Variants in SLC25A21 observed in about 807,000 individuals in gnomAD.
SLC25A21 encodes mitochondrial 2-oxodicarboxylate carrier.
A neutral mutation model predicts 43.8 loss-of-function variants in SLC25A21; 47 were observed. The ratio of observed to expected loss-of-function variants is 1.07; its 90% CI spans 0.85 to 1.37. The LOEUF is 1.37. Among genes scored for constraint, SLC25A21 ranks in the 40% most tolerant of loss-of-function variants. The pLI is 0.00. For missense variants in SLC25A21, 352 were observed against 350.2 expected (o/e 1.00, Z -0.04); for synonymous variants, 131 against 121.3 (o/e 1.08, Z -0.52).
intron 1 of SLC25A21, among the ~76,000 whole-genome samples, chr14:36,909,047 T>C (rs187302472): frequency 1.0e-3 from 159 of 151,446 alleles, no homozygotes; most frequent in Admixed American, 3.2e-3. Context: ...GCAGGGAAAA[T>C]AGAGGGACTT....
chr14:36,949,869 G>GT lies in SLC25A21; in HGVS notation c.71-74866dup, dbSNP rs1386623215. Among the ~76,000 whole-genome samples the GT allele has an allele frequency of 1.6e-4, 25 of 152,290 alleles. No individual in the cohort carries two copies. The East Asian group carries it at 4.2e-3, about 26-fold the overall frequency. On this transcript the variant is annotated intron_variant, in intron 1 of 9. Coordinates refer to ENST00000331299, the MANE Select transcript of SLC25A21 (RefSeq NM_030631.4). ...AAAGCAGGCAAATAGACAACAATGGGTTTCTTCAAAAAGGTGGGGGAAGGG... is the reference window on the plus strand; with the variant it reads ...AAAGCAGGCAAATAGACAACAATGGGTTTTCTTCAAAAAGGTGGGGGAAGGG...
At chr14:37,037,860 A>C (rs1961362364) in intron 1 of SLC25A21, among the ~76,000 whole-genome samples, 1 of 152,174 alleles carries the variant, frequency 6.6e-6, no homozygotes, top group Non-Finnish European at 1.5e-5. Flanking sequence ...CTCAACCAGA[A>C]TCACTTCAAC....
At chr14:37,118,435 T>G (rs1393845942) in intron 1 of SLC25A21, among the ~76,000 whole-genome samples, 3 of 152,144 alleles carry the variant, frequency 2.0e-5, no homozygotes, top group Non-Finnish European at 4.4e-5. Flanking sequence ...CTCCAAATTT[T>G]TAGGGAGGCT....
At chr14:36,873,465 T>C (rs1213503359) in intron 2 of SLC25A21, among the ~76,000 whole-genome samples, 1 of 151,982 alleles carries the variant, frequency 6.6e-6, no homozygotes, top group Admixed American at 6.6e-5. Context: ...CCGGTTAATT[T>C]TTGTATTTTT....
chr14:36,948,746 C>T (rs74045205), intron 1 of SLC25A21, among the ~76,000 whole-genome samples: 1,532 of 152,116 alleles, frequency 0.01, 27 homozygotes, highest in African/African-American at 0.034. Flanking sequence ...ATAAAATGCA[C>T]ACCAATTCCA....
At chr14:36,780,123 G>C (rs1481657234) in intron 3 of SLC25A21, among the ~76,000 whole-genome samples, 2 of 151,660 alleles carry the variant, frequency 1.3e-5, no homozygotes, top group Non-Finnish European at 2.9e-5. Flanking sequence ...TTATCAATTT[G>C]TTGGCATATA....
intron 1 of SLC25A21, among the ~76,000 whole-genome samples, chr14:36,941,332 C>T (rs901913152): frequency 2.0e-5 from 3 of 152,068 alleles, no homozygotes; most frequent in African/African-American, 7.2e-5. Context: ...AAAGATTATG[C>T]TGCACAAAAT....
chr14:36,718,444 C>T (rs1389174442), intron 6 of SLC25A21, among the ~76,000 whole-genome samples: 1 of 152,186 alleles, frequency 6.6e-6, no homozygotes, highest in African/African-American at 2.4e-5. Flanking sequence ...TTGACATGCC[C>T]TTGAAGCTGG....
In SLC25A21 at chr14:36,689,955, G is replaced by A. The variant is rs559195056; in HGVS notation, c.604-5030C>T. ...CTCTGGCTGTGTTGGGAAGCATTTT[G>A]AAGCTTTCCTTGGTGGAAACAGGGG... On this transcript the variant is annotated intron_variant, in intron 7 of 9. Coordinates refer to ENST00000331299, the MANE Select transcript of SLC25A21 (RefSeq NM_030631.4). Among the ~76,000 whole-genome samples the A allele has an allele frequency of 2.0e-5, 3 of 152,180 alleles. No homozygotes were observed. In the South Asian group the frequency reaches 6.2e-4, roughly 31 times the overall value.
intron 1 of SLC25A21, among the ~76,000 whole-genome samples, chr14:37,109,044 T>C (rs1463844206): frequency 6.6e-6 from 1 of 152,078 alleles, no homozygotes; most frequent in African/African-American, 2.4e-5. Context: ...CTAAATATAT[T>C]TGTTGTGTTT....
chr14:36,723,684 A>G (rs1183012875), intron 6 of SLC25A21, among the ~76,000 whole-genome samples: 1 of 152,256 alleles, frequency 6.6e-6, no homozygotes, highest in East Asian at 1.9e-4. Context: ...TAGCACATAC[A>G]AAACATTAGC....
At chr14:37,059,263 T>C (rs1961894095) in intron 1 of SLC25A21, among the ~76,000 whole-genome samples, 1 of 152,176 alleles carries the variant, frequency 6.6e-6, no homozygotes, top group Admixed American at 6.5e-5. Flanking sequence ...CTTACTATTA[T>C]TATCATCACC....
rs533491834 is a variant in SLC25A21, at chr14:37,065,203, AG to A, written c.70+107077del. ...AGATTTGAAAGCTGAGGAGTGTGTG[AG>A]GGGTACAGAAGAACCCTGAATGCAG... On this transcript the variant is annotated intron_variant, in intron 1 of 9. Transcript: ENST00000331299. Among the ~76,000 whole-genome samples the A allele has an allele frequency of 2.0e-4, 30 of 152,312 alleles. No homozygotes were observed. In the East Asian group the frequency reaches 5.4e-3, roughly 27 times the overall value.
chr14:36,698,395 G>T (rs973897480), intron 7 of SLC25A21, among the ~76,000 whole-genome samples: 27 of 151,970 alleles, frequency 1.8e-4, no homozygotes, highest in Admixed American at 1.1e-3. Flanking sequence ...TGTGTCTTGG[G>T]GTTGCTCTTC....
chr14:36,828,895 C>T (rs576780084), intron 2 of SLC25A21, among the ~76,000 whole-genome samples: 19 of 152,022 alleles, frequency 1.2e-4, no homozygotes, highest in Non-Finnish European at 2.5e-4. Context: ...CACTCTCTAC[C>T]CCTTTCTTTG....
chr14:36,687,559 T>G (rs1247293638), intron 7 of SLC25A21, among the ~76,000 whole-genome samples: 1 of 152,192 alleles, frequency 6.6e-6, no homozygotes, highest in Admixed American at 6.5e-5. Flanking sequence ...TTGCTTGGGA[T>G]GGCCATGAGG....
At chr14:36,966,511 G>A (rs1009752875) in intron 1 of SLC25A21, among the ~76,000 whole-genome samples, 1 of 152,134 alleles carries the variant, frequency 6.6e-6, no homozygotes, top group Non-Finnish European at 1.5e-5. Context: ...CATTTGATCA[G>A]GAAATCAGCA....
intron 1 of SLC25A21, among the ~76,000 whole-genome samples, chr14:37,147,701 T>C (rs1013609633): frequency 1.3e-5 from 2 of 151,636 alleles, no homozygotes; most frequent in Non-Finnish European, 2.9e-5. Context: ...CATAACATTG[T>C]TCTAGGGGGA....
chr14:36,686,351 C>A (rs189030009), intron 7 of SLC25A21, among the ~76,000 whole-genome samples: 2 of 152,202 alleles, frequency 1.3e-5, no homozygotes, highest in Admixed American at 1.3e-4. Context: ...CCCTCTCCCC[C>A]CATTTTTTCT....
Sources: allele counts gnomAD v4.1 joint callset (sites outside exome capture counted in the v4.1 genomes callset), GRCh38; gene constraint gnomAD v4.1.1; transcripts MANE v1.5; gene names NCBI Gene and HGNC (gene_info 2026-07-23, HGNC 2026-07-21).